The following TBC1D14 variants were observed in gnomAD, a reference collection of about 807,000 sequenced individuals.
TBC1D14 encodes TBC1 domain family, member 14.
A neutral mutation model predicts 79.0 loss-of-function variants in TBC1D14; 26 were observed. The observed-to-expected ratio is 0.33, with a 90% CI of 0.24 to 0.46. The LOEUF is 0.46. Among genes scored for constraint, TBC1D14 ranks in the 20% least tolerant of loss-of-function variants. The pLI, the probability that TBC1D14 is intolerant of heterozygous loss-of-function variation, is 1.00. For synonymous variants in TBC1D14, 394 were observed against 349.9 expected, an observed-to-expected ratio of 1.13 and a Z score of -1.40; for missense variants, 769 against 887.6, an observed-to-expected ratio of 0.87 and a Z score of 1.70.
At chr4:7,002,760 T>C (rs149673369) in intron 7 of TBC1D14, among the ~76,000 whole-genome samples, 2 of 152,358 alleles carry the variant, frequency 1.3e-5, no homozygotes, top group African/African-American at 4.8e-5. Context: ...TGGGTCCTGC[T>C]TAATCTCGAT....
intron 8 of TBC1D14, among the ~76,000 whole-genome samples, chr4:7,006,333 T>C (rs890562490): frequency 6.6e-6 from 1 of 152,182 alleles, no homozygotes; most frequent in African/African-American, 2.4e-5. Context: ...CTCCTACTTG[T>C]CCTTGCTTTC....
chr4:6,919,531 T>C (rs998686937), intron 1 of TBC1D14, among the ~76,000 whole-genome samples: 2 of 152,232 alleles, frequency 1.3e-5, no homozygotes, highest in African/African-American at 4.8e-5. Flanking sequence ...CTAAGAAAAA[T>C]TGATTATCAA....
intron 2 of TBC1D14, among the ~76,000 whole-genome samples, chr4:6,956,044 C>T (rs888153231): frequency 3.3e-5 from 5 of 152,170 alleles, no homozygotes; most frequent in Admixed American, 6.5e-5. Flanking sequence ...CAGGAACTGT[C>T]GTAGGCACTA....
intron 2 of TBC1D14, among the ~76,000 whole-genome samples, chr4:6,965,593 G>C (rs560015245): frequency 6.6e-6 from 1 of 152,290 alleles, no homozygotes; most frequent in South Asian, 2.1e-4. Context: ...CTGTCACTCA[G>C]ACTGGTGGTG....
rs924720196 is a variant in TBC1D14, at chr4:7,011,467, T to C, written c.1647+686T>C. 4.6e-5 allele frequency among the ~76,000 whole-genome samples: 7 copies of C among 152,190 alleles called. No homozygotes were observed. The East Asian group carries it at 1.3e-3, about 29-fold the overall frequency. Reference sequence around the variant, plus strand: ...GTAAGTGGAGGAGCTGAGATTTGAATCCGTTCTGGTTCCTAAGCCCTTGTT... The same window carrying C: ...GTAAGTGGAGGAGCTGAGATTTGAACCCGTTCTGGTTCCTAAGCCCTTGTT... On this transcript the variant is annotated intron_variant, in intron 11 of 13. Coordinates refer to ENST00000409757, the MANE Select transcript of TBC1D14 (RefSeq NM_020773.3).
chr4:6,939,058 C>T (rs911955961), intron 2 of TBC1D14, among the ~76,000 whole-genome samples: 5 of 152,216 alleles, frequency 3.3e-5, no homozygotes, highest in African/African-American at 4.8e-5. Context: ...CCGGCTCAGC[C>T]GGTGGCCTCT....
chr4:7,013,098 G>T (rs139108421), intron 11 of TBC1D14, among the ~76,000 whole-genome samples: 1,530 of 152,284 alleles, frequency 0.01, 34 homozygotes, highest in African/African-American at 0.035. Context: ...CTTGTATTTT[G>T]AAGGAGAAAC....
chr4:6,987,351 T>C (rs1477382195), intron 3 of TBC1D14: 2 of 1,424,108 alleles, frequency 1.4e-6, no homozygotes, highest in East Asian at 3.1e-5. Flanking sequence ...GCGTTCATGG[T>C]GAGTCGGGGT....
intron 4 of TBC1D14, among the ~76,000 whole-genome samples, chr4:6,996,057 C>T (rs1179131001): frequency 7.4e-6 from 1 of 134,876 alleles, no homozygotes; most frequent in African/African-American, 2.8e-5. Context: ...AGGATGGTCT[C>T]GACCTCCTGA....
At chr4:6,987,180 T>C (rs1203095076) in intron 3 of TBC1D14, 2 of 1,204,908 alleles carry the variant, frequency 1.7e-6, no homozygotes, top group Non-Finnish European at 2.1e-6. Context: ...ATCGCCTCGC[T>C]GTGTCTGCGC....
At position 7,014,510 on chromosome 4, in the gene TBC1D14, G is replaced by C. The variant is rs371530578; in HGVS notation, c.1710G>C (p.Ala570=). ...FFEENLPKLF[A]HFKKNNLTPD... ...AAGAAAATTTGCCGAAATTATTTGCGCATTTCAAGAAGAACAACCTAACTC... is the reference window on the plus strand; with the variant it reads ...AAGAAAATTTGCCGAAATTATTTGCCCATTTCAAGAAGAACAACCTAACTC... The change falls in exon 12 of 14, where the codon GCG becomes GCC. Residue 570 remains alanine, a synonymous_variant. Transcript: ENST00000409757. 6.2e-7 allele frequency: 1 copy of C among 1,613,872 alleles called. No individual in the cohort carries two copies. Among genetic ancestry groups the C allele is most frequent in the Non-Finnish European group, 8.5e-7 (1 of 1,179,868 alleles).
intron 2 of TBC1D14, among the ~76,000 whole-genome samples, chr4:6,961,252 G>A (rs758605070): frequency 2.0e-5 from 3 of 152,080 alleles, no homozygotes; most frequent in Non-Finnish European, 2.9e-5. Flanking sequence ...GATCCCTGAC[G>A]GCCCCCAGCG....
intron 2 of TBC1D14, among the ~76,000 whole-genome samples, chr4:6,931,963 G>A (rs1450669162): frequency 1.3e-5 from 2 of 151,930 alleles, no homozygotes; most frequent in East Asian, 1.9e-4. Flanking sequence ...GAGAAAGCCA[G>A]CAAGCAGAGG....
chr4:7,022,275 C>A (rs1364820371), intron 12 of TBC1D14, among the ~76,000 whole-genome samples: 2 of 152,190 alleles, frequency 1.3e-5, no homozygotes, highest in Non-Finnish European at 2.9e-5. Flanking sequence ...GGAGCCCTGA[C>A]TGGGGCAGAG....
intron 2 of TBC1D14, among the ~76,000 whole-genome samples, chr4:6,928,286 A>AT (rs1201340192): frequency 6.6e-6 from 1 of 151,988 alleles, no homozygotes; most frequent in Non-Finnish European, 1.5e-5. Flanking sequence ...GGAATGATGG[A>AT]TTTTTCCGGA....
chr4:6,942,879 G>C (rs1030682304), intron 2 of TBC1D14, among the ~76,000 whole-genome samples: 4 of 152,300 alleles, frequency 2.6e-5, no homozygotes, highest in African/African-American at 9.6e-5. Context: ...CCCTTTTAGA[G>C]GTTCGTTTGA....
chr4:6,944,950 T>G (rs1713287883), intron 2 of TBC1D14, among the ~76,000 whole-genome samples: 1 of 152,188 alleles, frequency 6.6e-6, no homozygotes, highest in Non-Finnish European at 1.5e-5. Flanking sequence ...TGGAGCTCCT[T>G]AAGGACAGGG....
chr4:6,911,027 G>A (rs552735291), intron 1 of TBC1D14, among the ~76,000 whole-genome samples: 180 of 152,304 alleles, frequency 1.2e-3, no homozygotes, highest in Middle Eastern at 6.8e-3. Flanking sequence ...TTTTATAGCG[G>A]TGGGTTGCCT....
chr4:6,958,050 C>G (rs1017458336), intron 2 of TBC1D14, among the ~76,000 whole-genome samples: 1 of 151,960 alleles, frequency 6.6e-6, no homozygotes, highest in African/African-American at 2.4e-5. Context: ...TAACTCAGCC[C>G]TTTAGCCTGG....
Sources: allele counts gnomAD v4.1 joint callset (sites outside exome capture counted in the v4.1 genomes callset), GRCh38; gene constraint gnomAD v4.1.1; transcripts MANE v1.5; gene names NCBI Gene and HGNC (gene_info 2026-07-23, HGNC 2026-07-21).